The following MMEL1 variants were observed in gnomAD, a reference collection of about 807,000 sequenced individuals.
The protein encoded by MMEL1 is membrane metallo-endopeptidase-like 1.
Under a neutral mutation model 117.1 loss-of-function variants are expected in MMEL1, and 98 were observed. The observed-to-expected ratio is 0.84, with a 90% confidence interval of 0.71 to 0.99. The LOEUF is 0.99. Among genes scored for constraint, MMEL1 ranks in the 50% least tolerant of loss-of-function variants. The pLI, the probability that MMEL1 is intolerant of heterozygous loss-of-function variation, is 0.00. For synonymous variants in MMEL1, 390 were observed against 415.1 expected (o/e 0.94, Z 0.74); for missense variants, 1,014 against 1,049.1 (o/e 0.97, Z 0.46).
intron 2 of MMEL1, among the ~76,000 whole-genome samples, chr1:2,618,358 T>A (rs578227170): frequency 3.8e-4 from 58 of 152,386 alleles, no homozygotes; most frequent in Middle Eastern, 3.4e-3. Flanking sequence ...GGAGCCATGC[T>A]TCCTGTGCAG....
At chr1:2,593,783 G>A (rs764647469) in intron 19 of MMEL1, 31 bp downstream of exon 19, 15 of 1,573,770 alleles carry the variant, frequency 9.5e-6, no homozygotes, top group Admixed American at 1.8e-5. Context: ...GAGAGGGGAG[G>A]GCGTGTGTGA....
intron 6 of MMEL1, among the ~76,000 whole-genome samples, chr1:2,607,671 C>A (rs1436024011): frequency 6.6e-6 from 1 of 152,168 alleles, no homozygotes; most frequent in Non-Finnish European, 1.5e-5. Flanking sequence ...GCTGGCACAG[C>A]ATGGCAGGTG....
In MMEL1 at chr1:2,590,992, A is replaced by G. The variant is rs747833566; in HGVS notation, c.2338T>C (p.Ter780GlnextTer24). The G allele has an allele frequency of 1.9e-6, 3 of 1,583,728 alleles. No individual in the cohort carries two copies. Among genetic ancestry groups the G allele is most frequent in the South Asian group, 1.2e-5 (1 of 86,044 alleles). Residue 780 changes from the stop codon to glutamine (Q), a stop_lost, in exon 24 of 24, where the codon TAG becomes CAG. Coordinates refer to ENST00000378412, the MANE Select transcript of MMEL1 (RefSeq NM_033467.4). ...CGCACAGCGCGGCAGGGCCTTGGCT[A>G]CCACACGCGGCATCGCTCCTTGGGG... ...MHPKERCRVW[*>Q]
At chr1:2,611,136 GCGAGTC>G (rs1266193285) in intron 4 of MMEL1, 139 bp downstream of exon 4, 4 of 764,012 alleles carry the variant, frequency 5.2e-6, no homozygotes, top group Non-Finnish European at 8.2e-6. Flanking sequence ...CCGCTCCACA[GCGAGTC>G]CGAGTCCGGC....
intron 17 of MMEL1, 132 bp from the exon 18 acceptor site, chr1:2,594,575 T>C: frequency 8.4e-7 from 1 of 1,187,496 alleles, no homozygotes; most frequent in Non-Finnish European, 1.2e-6. Context: ...CAAGATCTGG[T>C]TCCTTCCTGG....
intron 2 of MMEL1, among the ~76,000 whole-genome samples, chr1:2,627,132 G>A (rs573888956): frequency 1.3e-5 from 2 of 152,314 alleles, no homozygotes; most frequent in African/African-American, 2.4e-5. Context: ...AGTCAGAAAC[G>A]GTGACTACAC....
At chr1:2,593,371 C>T (rs1379470145) in intron 19 of MMEL1, among the ~76,000 whole-genome samples, 1 of 152,204 alleles carries the variant, frequency 6.6e-6, no homozygotes, top group Admixed American at 6.5e-5. Flanking sequence ...GGAAAACCAG[C>T]TGGGGCCCCT....
chr1:2,628,686 G>A (rs1434059821), intron 2 of MMEL1, among the ~76,000 whole-genome samples: 2 of 150,022 alleles, frequency 1.3e-5, no homozygotes, highest in Admixed American at 6.6e-5. Flanking sequence ...GCGTGGGGGC[G>A]GGGGGAGTGT....
chr1:2,598,147 C>T (rs2100933080), intron 13 of MMEL1, 60 bp downstream of exon 13: 1 of 1,467,692 alleles, frequency 6.8e-7, no homozygotes, highest in Non-Finnish European at 9.5e-7. Context: ...AGCTTATGCT[C>T]AGCATCGTGG....
rs1326542950 is a variant in MMEL1 at position 2,606,956 on chromosome 1, T to A, written c.631+18A>T. The A allele has an allele frequency of 3.0e-5, 49 of 1,607,806 alleles. No homozygotes were observed. Among genetic ancestry groups the A allele is most frequent in the Non-Finnish European group, 4.0e-5 (47 of 1,177,480 alleles). On this transcript the variant is annotated intron_variant, in intron 7 of 23. Coordinates refer to ENST00000378412, the MANE Select transcript of MMEL1 (RefSeq NM_033467.4). ...CTCCTTTGTCTGTCTGTGAGGCTGC[T>A]GCCAGGCCCGGCCTTACCTACGGTC... is the stretch of plus-strand genomic sequence containing the variant.
chr1:2,596,958 CT>C (rs1324917504), intron 13 of MMEL1, among the ~76,000 whole-genome samples: 1 of 152,090 alleles, frequency 6.6e-6, no homozygotes, highest in East Asian at 1.9e-4. Flanking sequence ...TCCCCGGCCC[CT>C]GTCCTGGTTG....
intron 2 of MMEL1, among the ~76,000 whole-genome samples, chr1:2,623,835 T>G (rs1417083557): frequency 6.6e-6 from 1 of 152,192 alleles, no homozygotes; most frequent in Non-Finnish European, 1.5e-5. Flanking sequence ...GCAAAAGCTT[T>G]AAACCACTGA....
rs781594128 is a variant in MMEL1 at position 2,596,583 on chromosome 1, A to G, written c.1379T>C (p.Phe460Ser). 4 of 1,611,774 alleles carry G rather than the reference A, an allele frequency of 2.5e-6. No individual in the cohort carries two copies. The highest frequency in any genetic ancestry group is 1.7e-6 in the Non-Finnish European group (2 of 1,179,760). Residue 460 changes from phenylalanine (F) to serine (S), a missense_variant, in exon 14 of 24, where the codon TTC (phenylalanine) becomes TCC (serine). Transcript: ENST00000378412. ...CACCATGCTCTTGCTGTCTCCAGGG[A>G]ACGCCTCCCTGACGTAGAGGGAGCC... ...AVGSLYVREA[F>S]PGDSKSMVRE...
chr1:2,627,068 A>G (rs919485086), intron 2 of MMEL1, among the ~76,000 whole-genome samples: 2 of 152,290 alleles, frequency 1.3e-5, no homozygotes, highest in East Asian at 3.8e-4. Context: ...GCAAATGCTG[A>G]GTAGCTAGTA....
intron 11 of MMEL1, among the ~76,000 whole-genome samples, chr1:2,601,718 G>C (rs1002462451): frequency 1.3e-5 from 2 of 152,228 alleles, no homozygotes; most frequent in African/African-American, 4.8e-5. Flanking sequence ...ATCAGAGAAA[G>C]ATCGCCCGAT....
rs564642579 is a variant in MMEL1, at chr1:2,611,526, A to T, written c.233-186T>A. 3.8e-5 allele frequency: 20 copies of T among 521,364 alleles called. No individual in the cohort carries two copies. The African/African-American group carries it at 4.0e-4, about 10-fold the overall frequency. 32.3% of individuals were successfully genotyped at this position (521,364 alleles called of 1,614,324 possible). ...CAGTAGGGCAAGGCCAGGGTAACCA[A>T]AGCATAGTCTGGTGGGGGTGGGGTG... On this transcript the variant is annotated intron_variant, in intron 3 of 23. Coordinates refer to ENST00000378412, the MANE Select transcript of MMEL1 (RefSeq NM_033467.4).
At chr1:2,621,429 T>C (rs1005321874) in intron 2 of MMEL1, among the ~76,000 whole-genome samples, 5 of 152,244 alleles carry the variant, frequency 3.3e-5, no homozygotes, top group African/African-American at 1.2e-4. Context: ...CCCCTTATTT[T>C]AACCCAGACA....
At chr1:2,621,127 T>C (rs921672479) in intron 2 of MMEL1, among the ~76,000 whole-genome samples, 1 of 151,720 alleles carries the variant, frequency 6.6e-6, no homozygotes, top group African/African-American at 2.4e-5. Flanking sequence ...TTACAAAAAA[T>C]AGAAAAACCT....
At chr1:2,630,842 A>G (rs571542424) in intron 1 of MMEL1, among the ~76,000 whole-genome samples, 2 of 139,958 alleles carry the variant, frequency 1.4e-5, no homozygotes, top group African/African-American at 5.5e-5. Context: ...GTGCGTGGAT[A>G]TGCACCTGTG....
Sources: gnomAD v4.1 joint callset for allele counts (sites outside exome capture counted in the v4.1 genomes callset) on GRCh38, gnomAD v4.1.1 for gene constraint, MANE v1.5 for transcripts, NCBI Gene and HGNC (gene_info 2026-07-23, HGNC 2026-07-21) for gene names.